ENTPD5: variants seen among roughly 807,000 people sequenced by gnomAD.
The protein encoded by ENTPD5 is nucleoside diphosphate phosphatase ENTPD5.
Under a neutral mutation model 60.2 loss-of-function variants are expected in ENTPD5, and 49 were observed. The ratio of observed to expected loss-of-function variants is 0.81; its 90% CI spans 0.65 to 1.03. The LOEUF (loss-of-function observed/expected upper bound fraction) is 1.03. Among genes scored for constraint, ENTPD5 ranks in the 50% least tolerant of loss-of-function variants. The pLI, the probability that ENTPD5 is intolerant of heterozygous loss-of-function variation, is 0.00. For missense variants in ENTPD5, 480 were observed against 507.6 expected (o/e 0.95, Z 0.52); for synonymous variants, 187 against 185.4 (o/e 1.01, Z -0.07).
At chr14:74,010,173 A>G (rs1288669836) in intron 3 of ENTPD5, among the ~76,000 whole-genome samples, 1 of 152,128 alleles carries the variant, frequency 6.6e-6, no homozygotes, top group Non-Finnish European at 1.5e-5. Context: ...ATGATCCACC[A>G]GCCTCAGCCT....
At chr14:74,006,427 G>C (rs10132605) in intron 3 of ENTPD5, among the ~76,000 whole-genome samples, 16,572 of 151,898 alleles carry the variant, frequency 0.11, 997 homozygotes, top group African/African-American at 0.16. Flanking sequence ...GGGACTACAG[G>C]TGCCCGCCGC....
At chr14:74,010,560 A>AT (rs2058817445) in intron 3 of ENTPD5, among the ~76,000 whole-genome samples, 1 of 152,158 alleles carries the variant, frequency 6.6e-6, no homozygotes, top group Non-Finnish European at 1.5e-5. Context: ...ATCTCAAAAA[A>AT]AAAAAATAAA....
chr14:73,987,037 C>T (rs1358607518), intron 4 of ENTPD5, 144 bp from the exon 5 acceptor site: 3 of 734,842 alleles, frequency 4.1e-6, no homozygotes, highest in Non-Finnish European at 7.4e-6. Flanking sequence ...GAATGTCTTG[C>T]AGGAGTACTG....
downstream of ENTPD5, chr14:73,960,036 G>C: frequency 9.9e-7 from 1 of 1,009,408 alleles, no homozygotes; most frequent in Non-Finnish European, 1.2e-6. Context: ...CTGCTGTTAG[G>C]CTGACTGAAA....
downstream of ENTPD5, among the ~76,000 whole-genome samples, chr14:73,957,477 G>GTT (rs1421508443): frequency 6.6e-6 from 1 of 152,088 alleles, no homozygotes; most frequent in Non-Finnish European, 1.5e-5. Flanking sequence ...TGGAGATAGT[G>GTT]TTTTGTTTTG....
At chr14:73,992,973 A>C (rs996088805) in intron 3 of ENTPD5, among the ~76,000 whole-genome samples, 1 of 152,208 alleles carries the variant, frequency 6.6e-6, no homozygotes, top group African/African-American at 2.4e-5. Flanking sequence ...ACTGCACTCC[A>C]GCATGAGAGA....
chr14:73,986,711 G>T (rs771463825), intron 5 of ENTPD5, 103 bp downstream of exon 5: 6 of 811,860 alleles, frequency 7.4e-6, no homozygotes, highest in African/African-American at 6.9e-5. Context: ...TCTCACACAT[G>T]ATCTCAATCT....
chr14:74,001,968 G>C (rs2058526339), intron 3 of ENTPD5, among the ~76,000 whole-genome samples: 1 of 152,136 alleles, frequency 6.6e-6, no homozygotes, highest in Non-Finnish European at 1.5e-5. Context: ...ATTTAATGCA[G>C]AGGATAAAGA....
chr14:74,007,559 G>A (rs1479286955), intron 3 of ENTPD5: 1 of 151,874 alleles, frequency 6.6e-6, no homozygotes, highest in Non-Finnish European at 1.5e-5. Context: ...GGTATTTGGT[G>A]AAAAGGGACA....
Position 73,970,108 on chromosome 14 carries a change from T to C in ENTPD5, c.1102A>G (p.Asn368Asp), listed in dbSNP as rs773556865. The change falls in exon 15 of 16, where the codon AAC becomes GAC. Residue 368 changes from asparagine to aspartate, a missense_variant. Coordinates refer to ENST00000334696, the MANE Select transcript of ENTPD5 (RefSeq NM_001249.5). ...KAREVCDNLE[N>D]FTSGSPFLCM... ...AGGAAAGGACTGCCTGAGGTGAAGT[T>C]TTCCAAGTTATCACACACTGAAAGA... 4.3e-6 allele frequency: 7 copies of C among 1,613,132 alleles called. No individual in the cohort carries two copies. The highest frequency in any genetic ancestry group is 5.9e-6 in the Non-Finnish European group (7 of 1,179,184).
Position 73,972,916 on chromosome 14 carries a change from T to C in ENTPD5, c.995A>G (p.Tyr332Cys), listed in dbSNP as rs751783524. The C allele has an allele frequency of 4.3e-6, 7 of 1,614,074 alleles. No homozygotes were observed. In the Admixed American group the frequency reaches 5.0e-5, roughly 12 times the overall value. ...QRGSFYAFSY[Y>C]YDRAVDTDMI... ...GTCTGTGTCAACAGCTCGGTCATAATAGTAAGAGAAAGCATAGAAGGAACC... is the reference window on the plus strand; with the variant it reads ...GTCTGTGTCAACAGCTCGGTCATAACAGTAAGAGAAAGCATAGAAGGAACC... The change falls in exon 13 of 16, where the codon TAT becomes TGT. Residue 332 changes from tyrosine to cysteine, a missense_variant. Physicochemically the swap from Tyr to Cys is radical, Grantham distance 194. Coordinates refer to ENST00000334696, the MANE Select transcript of ENTPD5 (RefSeq NM_001249.5).
At chr14:74,017,680 G>A (rs1228521049) in intron 1 of ENTPD5, among the ~76,000 whole-genome samples, 1 of 151,836 alleles carries the variant, frequency 6.6e-6, no homozygotes, top group East Asian at 1.9e-4. Flanking sequence ...GAGGCCAGGA[G>A]TTCAAGACCA....
At chr14:74,017,204 G>A (rs2059040875) in intron 1 of ENTPD5, among the ~76,000 whole-genome samples, 1 of 152,162 alleles carries the variant, frequency 6.6e-6, no homozygotes, top group Non-Finnish European at 1.5e-5. Flanking sequence ...TGGATTCCCA[G>A]CTACTCGGGA....
rs535670273 is a variant in ENTPD5 at position 73,986,837 on chromosome 14, C to G, written c.274G>C (p.Ala92Pro). 61 of 1,614,034 alleles carry G rather than the reference C, an allele frequency of 3.8e-5. No individual in the cohort carries two copies. The South Asian group carries it at 6.6e-4, about 17-fold the overall frequency. Residue 92 changes from alanine to proline, a missense_variant, in exon 5 of 16, where the codon GCT becomes CCT. Transcript: ENST00000334696. Reference protein sequence around the residue: ...VFDSVKPGLSAFVDQPKQGAE... With the variant: ...VFDSVKPGLSPFVDQPKQGAE... Reference sequence around the variant, plus strand: ...ACCTGCTTAGGTTGATCTACAAAAGCAGAAAGTCCTGGCTTCACAGAATCA... The same window carrying G: ...ACCTGCTTAGGTTGATCTACAAAAGGAGAAAGTCCTGGCTTCACAGAATCA...
intron 3 of ENTPD5, among the ~76,000 whole-genome samples, chr14:74,006,282 GC>G (rs1273694561): frequency 1.5e-5 from 2 of 133,986 alleles, no homozygotes; most frequent in African/African-American, 5.2e-5. Context: ...ACCTCGCCAA[GC>G]CTTTTTTTTT....
intron 3 of ENTPD5, among the ~76,000 whole-genome samples, chr14:73,999,596 C>A (rs765804228): frequency 4.6e-5 from 7 of 151,378 alleles, no homozygotes; most frequent in Non-Finnish European, 1.0e-4. Flanking sequence ...GAGTTTGAGA[C>A]CAGACTGACC....
chr14:73,961,262 G>C, downstream of ENTPD5: 1 of 1,614,130 alleles, frequency 6.2e-7, no homozygotes, highest in Non-Finnish European at 8.5e-7. Context: ...CTAAGGTCTC[G>C]GCTCGCCAGC....
chr14:73,974,586 T>C (rs1156387191), intron 11 of ENTPD5, among the ~76,000 whole-genome samples: 3 of 152,184 alleles, frequency 2.0e-5, no homozygotes, highest in Admixed American at 1.3e-4. Flanking sequence ...AGACTCTGCT[T>C]CCTGTGCCTC....
Position 73,970,063 on chromosome 14 carries a change from T to G in ENTPD5, c.1147A>C (p.Ile383Leu), listed in dbSNP as rs1392306826. ...AAGCCATCCTTTAACAGGGCTGTGA[T>G]GTAGCTGAGATCCATGCACAGGAAA... is the stretch of plus-strand genomic sequence containing the variant. The part of the protein sequence containing the change: ...SPFLCMDLSY[I>L]TALLKDGFGF... The change falls in exon 15 of 16, where the codon ATC (isoleucine) becomes CTC (leucine). Residue 383 changes from isoleucine (I) to leucine (L), a missense_variant. By Grantham distance (5) the Ile-to-Leu change is conservative. Coordinates refer to ENST00000334696, the MANE Select transcript of ENTPD5 (RefSeq NM_001249.5). 6.2e-7 allele frequency: 1 copy of G among 1,613,912 alleles called. No homozygotes were observed. Among genetic ancestry groups the G allele is most frequent in the African/African-American group, 1.3e-5 (1 of 74,920 alleles).
Sources: allele counts gnomAD v4.1 joint callset (sites outside exome capture counted in the v4.1 genomes callset), GRCh38; gene constraint gnomAD v4.1.1; transcripts MANE v1.5; gene names NCBI Gene and HGNC (gene_info 2026-07-23, HGNC 2026-07-21).